The following KMT2E variants were observed in gnomAD, a reference collection of about 807,000 sequenced individuals.
KMT2E encodes histone reader KMT2E.
KMT2E carries 30 observed loss-of-function variants against 184.6 expected under a neutral mutation model. The observed-to-expected ratio is 0.16, with a 90% CI of 0.12 to 0.22. The LOEUF is 0.22. KMT2E is among the 10% of genes least tolerant of loss of function. The probability of loss-of-function intolerance (pLI) is 1.00; values close to 1 mark genes in which losing one functional copy is unlikely to be tolerated. For missense variants in KMT2E, 2,023 were observed against 2,237.4 expected (o/e 0.90, Z 1.93); for synonymous variants, 815 against 776.5 (o/e 1.05, Z -0.82).
chr7:105,017,596 AATTT>A (rs770285005), intron 1 of KMT2E, among the ~76,000 whole-genome samples: 4 of 151,940 alleles, frequency 2.6e-5, no homozygotes, highest in Non-Finnish European at 5.9e-5. Flanking sequence ...TGTCTAGGCA[AATTT>A]ATTAGAAGGT....
At chr7:105,047,427 G>A (rs1796152951) in intron 3 of KMT2E, among the ~76,000 whole-genome samples, 1 of 152,200 alleles carries the variant, frequency 6.6e-6, no homozygotes. Flanking sequence ...ACTCTTGTCT[G>A]CACAGCTGAT....
chr7:105,041,167 CCTTT>C (rs970465492), intron 3 of KMT2E, 144 bp downstream of exon 3: 26 of 574,274 alleles, frequency 4.5e-5, no homozygotes, highest in Non-Finnish European at 6.7e-5. Context: ...AGCGAAGTTA[CCTTT>C]CTTTCTCAAA....
chr7:105,025,159 G>C (rs1019046414), intron 1 of KMT2E, among the ~76,000 whole-genome samples: 1 of 152,094 alleles, frequency 6.6e-6, no homozygotes, highest in Admixed American at 6.6e-5. Context: ...TACTTCTTTA[G>C]AAGCTGTATT....
intron 3 of KMT2E, among the ~76,000 whole-genome samples, chr7:105,051,878 C>G (rs1036726149): frequency 6.6e-6 from 1 of 152,146 alleles, no homozygotes; most frequent in Non-Finnish European, 1.5e-5. Flanking sequence ...CATGAACCGC[C>G]GCGCCTGGCC....
chr7:105,020,823 G>A (rs1431040689), intron 1 of KMT2E, among the ~76,000 whole-genome samples: 1 of 152,090 alleles, frequency 6.6e-6, no homozygotes, highest in Non-Finnish European at 1.5e-5. Flanking sequence ...AGTGTCAGTG[G>A]TTTTTAGTAA....
chr7:105,056,473 C>T (rs1017521159), intron 3 of KMT2E, among the ~76,000 whole-genome samples: 2 of 152,176 alleles, frequency 1.3e-5, no homozygotes, highest in African/African-American at 4.8e-5. Context: ...CTTGAAGATT[C>T]CACCTGCCAT....
chr7:105,045,499 T>TG (rs1428637636), intron 3 of KMT2E, among the ~76,000 whole-genome samples: 7 of 152,328 alleles, frequency 4.6e-5, no homozygotes, highest in African/African-American at 1.7e-4. Context: ...GTTTCTATCT[T>TG]TATTTGCCTA....
chr7:105,101,101 T>C lies in KMT2E; in HGVS notation c.1723-324T>C, dbSNP rs1798637139. On this transcript the variant is annotated intron_variant, in intron 15 of 26. Coordinates refer to ENST00000311117, the MANE Select transcript of KMT2E (RefSeq NM_182931.3). ...TTTTTTAAAAGGCTGATTTCTGTAT[T>C]ATTAAGAGAAAAGATTTTCGGTTTG... Among the ~76,000 whole-genome samples the C allele has an allele frequency of 2.6e-5, 4 of 152,324 alleles. No individual in the cohort carries two copies. The South Asian group carries it at 8.3e-4, about 32-fold the overall frequency.
intron 6 of KMT2E, among the ~76,000 whole-genome samples, chr7:105,070,296 T>C (rs189344518): frequency 1.3e-5 from 2 of 152,182 alleles, no homozygotes; most frequent in Admixed American, 1.3e-4. Context: ...CGATTTTATA[T>C]TCCTACCAGA....
At chr7:105,024,739 T>G (rs983953145) in intron 1 of KMT2E, among the ~76,000 whole-genome samples, 7 of 152,184 alleles carry the variant, frequency 4.6e-5, no homozygotes, top group Admixed American at 1.3e-4. Context: ...GGTTTAAAAT[T>G]TAGGTCCTGA....
intron 12 of KMT2E, among the ~76,000 whole-genome samples, chr7:105,079,511 C>CTTTTTTTTTTTTTTT (rs66734303): frequency 3.2e-5 from 2 of 62,330 alleles, no homozygotes; most frequent in African/African-American, 6.4e-5. Flanking sequence ...ATTGGACTTC[C>CTTTTTTTTTTTTTTT]TTTTTTTTTT....
chr7:105,044,551 A>C (rs1395427860), intron 3 of KMT2E, among the ~76,000 whole-genome samples: 1 of 152,192 alleles, frequency 6.6e-6, no homozygotes, highest in African/African-American at 2.4e-5. Flanking sequence ...GGTTTGTGAC[A>C]CTTAGATCAG....
intron 5 of KMT2E, 78 bp from the exon 6 acceptor site, chr7:105,066,649 T>C (rs1797037740): frequency 9.0e-7 from 1 of 1,109,552 alleles, no homozygotes; most frequent in Non-Finnish European, 1.3e-6. Context: ...TATTAAATGA[T>C]AGTTAAATGG....
Position 105,105,684 on chromosome 7 carries a change from A to C in KMT2E, c.2442A>C (p.Ser814=), listed in dbSNP as rs745550913. 7.5e-6 allele frequency: 12 copies of C among 1,597,708 alleles called. No individual in the cohort carries two copies. Among genetic ancestry groups the C allele is most frequent in the Non-Finnish European group, 9.4e-6 (11 of 1,175,570 alleles). ...AACCTACTGAAAACATTTCTGGTTC[A>C]TGCAAGAAGGTAAACTTTTCTTTGG... ...RKEPTENISG[S]CKKRWLKQAL... The change falls in exon 18 of 27, where the codon TCA becomes TCC. Residue 814 remains serine (S), a synonymous_variant. Transcript: ENST00000311117.
chr7:105,044,682 C>T lies in KMT2E; in HGVS notation c.71+3659C>T, dbSNP rs573939584. Among the ~76,000 whole-genome samples the T allele has an allele frequency of 7.2e-5, 11 of 152,200 alleles. No individual in the cohort carries two copies. The South Asian group carries it at 2.3e-3, about 32-fold the overall frequency. ...CCTATTTCCAAGAATAATTCCAGTC[C>T]CACTGCACTCAATCCCATACCAGGC... On this transcript the variant is annotated intron_variant, in intron 3 of 26. Transcript: ENST00000311117.
In KMT2E at chr7:105,110,812, T is replaced by C. The variant is rs764016392; in HGVS notation, c.4012T>C (p.Cys1338Arg). 5.0e-6 allele frequency: 8 copies of C among 1,614,000 alleles called. No homozygotes were observed. Among genetic ancestry groups the C allele is most frequent in the African/African-American group, 1.3e-5 (1 of 74,938 alleles). The change falls in exon 26 of 27, where the codon TGT (cysteine) becomes CGT (arginine). Residue 1338 changes from cysteine (C) to arginine (R), a missense_variant. Physicochemically the swap from Cys to Arg is radical, Grantham distance 180 (BLOSUM62 -3). Around this residue, in one of 8 missense-constraint regions of KMT2E, gnomAD observed 1,108 missense variants for 1,050.9 expected, o/e 1.05. Coordinates refer to ENST00000311117, the MANE Select transcript of KMT2E (RefSeq NM_182931.3). The part of the protein sequence containing the change: ...ENPEPTTTNE[C>R]PSPDTSQNTC... ...TCCAGAACCCACAACTACGAATGAATGTCCATCCCCAGATACTTCTCAAAA... is the reference window on the plus strand; with the variant it reads ...TCCAGAACCCACAACTACGAATGAACGTCCATCCCCAGATACTTCTCAAAA...
Position 105,048,392 on chromosome 7 carries a change from G to A in KMT2E, c.71+7369G>A, listed in dbSNP as rs11772164. Among the ~76,000 whole-genome samples, 348 of 152,022 alleles carry A rather than the reference G, an allele frequency of 2.3e-3. 6 individuals are homozygous for A. The highest frequency in any genetic ancestry group is 1.4e-3 in the Non-Finnish European group (95 of 67,978). ...TCATGATAATTTTATTCAGCCAAAT[G>A]AAGGATTAAATACTGAGTTTTAAAA... On this transcript the variant is annotated intron_variant, in intron 3 of 26. Coordinates refer to ENST00000311117, the MANE Select transcript of KMT2E (RefSeq NM_182931.3).
chr7:105,095,966 G>T (rs1473597160), intron 15 of KMT2E, among the ~76,000 whole-genome samples: 1 of 151,956 alleles, frequency 6.6e-6, no homozygotes, highest in African/African-American at 2.4e-5. Flanking sequence ...TACTAAAAGA[G>T]ACTTGTTGCT....
At chr7:105,063,693 G>A in intron 5 of KMT2E, 113 bp downstream of exon 5, 1 of 690,396 alleles carries the variant, frequency 1.4e-6, no homozygotes, top group Non-Finnish European at 2.3e-6. Context: ...CATATTTTAA[G>A]TGGGACTTCT....
Sources: allele counts gnomAD v4.1 joint callset (sites outside exome capture counted in the v4.1 genomes callset), GRCh38; gene constraint gnomAD v4.1.1; regional missense constraint gnomAD v4.1.1; transcripts MANE v1.5; gene names NCBI Gene and HGNC (gene_info 2026-07-23, HGNC 2026-07-21).